Variants in ZFPM2 observed in about 807,000 individuals in gnomAD.
ZFPM2 encodes zinc finger protein, FOG family member 2, also known as zinc finger protein ZFPM2.
Under a neutral mutation model 98.6 loss-of-function variants are expected in ZFPM2, and 20 were observed. The observed-to-expected ratio is 0.20, with a 90% CI of 0.14 to 0.29. The LOEUF (loss-of-function observed/expected upper bound fraction) is 0.29, where lower values mean the gene tolerates loss of function less well. Ranked by LOEUF, ZFPM2 falls within the 10% of genes least tolerant of loss-of-function variation. The pLI is 1.00. For missense variants in ZFPM2, 1,310 were observed against 1,388.6 expected (o/e 0.94, Z 0.90); for synonymous variants, 518 against 502.7 (o/e 1.03, Z -0.41).
intron 3 of ZFPM2, among the ~76,000 whole-genome samples, chr8:105,546,786 A>G (rs528683498): frequency 8.5e-5 from 13 of 152,142 alleles, no homozygotes; most frequent in Non-Finnish European, 1.8e-4. Context: ...AGTGCTCAAG[A>G]TGGTTAGCAA....
At chr8:105,540,119 T>C (rs1486725892) in intron 3 of ZFPM2, among the ~76,000 whole-genome samples, 1 of 152,152 alleles carries the variant, frequency 6.6e-6, no homozygotes, top group Non-Finnish European at 1.5e-5. Context: ...CTCTCTGTGT[T>C]TTCATACCCC....
intron 1 of ZFPM2, among the ~76,000 whole-genome samples, chr8:105,390,950 A>G (rs1250247498): frequency 6.6e-6 from 1 of 152,202 alleles, no homozygotes; most frequent in Admixed American, 6.5e-5. Context: ...ACATGAATGC[A>G]GGGTAAAGGT....
In ZFPM2 at chr8:105,579,097, T is replaced by A. The variant is rs116515097; in HGVS notation, c.420+17616T>A. 3.4e-3 allele frequency among the ~76,000 whole-genome samples: 522 copies of A among 152,282 alleles called. 3 individuals carry two copies. Among genetic ancestry groups the A allele is most frequent in the African/African-American group, 0.012 (486 of 41,570 alleles). ...GAAAAAATTGTTTCTTTAATGACAA[T>A]GTAATTAAAGGTGCTACAATTTTTT... On this transcript the variant is annotated intron_variant, in intron 4 of 7. Coordinates refer to ENST00000407775, the MANE Select transcript of ZFPM2 (RefSeq NM_012082.4).
At chr8:105,324,147 T>A (rs1812075822) in intron 1 of ZFPM2, among the ~76,000 whole-genome samples, 1 of 151,864 alleles carries the variant, frequency 6.6e-6, no homozygotes, top group East Asian at 1.9e-4. Context: ...GATTTTTATG[T>A]TCAGCCAATT....
At chr8:105,528,370 A>G (rs188708044) in intron 3 of ZFPM2, among the ~76,000 whole-genome samples, 1 of 152,202 alleles carries the variant, frequency 6.6e-6, no homozygotes, top group African/African-American at 2.4e-5. Flanking sequence ...TGCCGTAAGG[A>G]AGTTGAATTT....
At chr8:105,463,092 G>C (rs1421412922) in intron 3 of ZFPM2, among the ~76,000 whole-genome samples, 1 of 151,938 alleles carries the variant, frequency 6.6e-6, no homozygotes, top group Admixed American at 6.6e-5. Flanking sequence ...GCAGAGACAA[G>C]AATAATATAA....
At chr8:105,607,765 T>C (rs765287344) in intron 4 of ZFPM2, among the ~76,000 whole-genome samples, 4 of 152,146 alleles carry the variant, frequency 2.6e-5, no homozygotes, top group Non-Finnish European at 4.4e-5. Flanking sequence ...TCCGCTACTT[T>C]AGATCCCAAA....
chr8:105,414,546 T>G (rs1039885470), intron 1 of ZFPM2, among the ~76,000 whole-genome samples: 3 of 152,046 alleles, frequency 2.0e-5, no homozygotes, highest in Non-Finnish European at 4.4e-5. Flanking sequence ...ATTGTTTTGC[T>G]TATTTTGCAT....
At chr8:105,571,539 ATTCT>A (rs1815354243) in intron 4 of ZFPM2, among the ~76,000 whole-genome samples, 1 of 152,198 alleles carries the variant, frequency 6.6e-6, no homozygotes, top group African/African-American at 2.4e-5. Flanking sequence ...TGCCTTTTAA[ATTCT>A]TTCTATTTGA....
At chr8:105,426,794 A>G (rs1811920912) in intron 2 of ZFPM2, among the ~76,000 whole-genome samples, 2 of 151,568 alleles carry the variant, frequency 1.3e-5, no homozygotes, top group South Asian at 4.2e-4. Flanking sequence ...AATACAAAAA[A>G]TACAAAAAAT....
chr8:105,408,171 C>T (rs1811499932), intron 1 of ZFPM2, among the ~76,000 whole-genome samples: 2 of 151,872 alleles, frequency 1.3e-5, no homozygotes, highest in South Asian at 4.2e-4. Context: ...TGTTATCACA[C>T]CCTACCCGCT....
At chr8:105,670,027 C>A (rs1250778808) in intron 5 of ZFPM2, 1 of 152,020 alleles carries the variant, frequency 6.6e-6, no homozygotes, top group Admixed American at 6.5e-5. Flanking sequence ...CAGCATGTCT[C>A]TAACAAAGGC....
At chr8:105,333,474 A>C (rs999448583) in intron 1 of ZFPM2, among the ~76,000 whole-genome samples, 2 of 151,780 alleles carry the variant, frequency 1.3e-5, no homozygotes, top group African/African-American at 4.8e-5. Flanking sequence ...AGAGGCAAAA[A>C]TGTTCACTAG....
chr8:105,405,752 G>T (rs958948355), intron 1 of ZFPM2, among the ~76,000 whole-genome samples: 1 of 152,066 alleles, frequency 6.6e-6, no homozygotes, highest in African/African-American at 2.4e-5. Flanking sequence ...GTGTGCATGT[G>T]TCTTTATAAC....
intron 3 of ZFPM2, among the ~76,000 whole-genome samples, chr8:105,459,889 C>G (rs1286320000): frequency 1.3e-5 from 2 of 152,038 alleles, no homozygotes; most frequent in African/African-American, 4.8e-5. Flanking sequence ...TGGCTGTAAC[C>G]AAAGTCTGCT....
intron 5 of ZFPM2, chr8:105,678,683 G>T (rs1810529561): frequency 6.6e-6 from 1 of 152,110 alleles, no homozygotes; most frequent in South Asian, 2.1e-4. Context: ...TTATCCTCCG[G>T]TTTTCTCTCT....
chr8:105,515,384 GCTT>G (rs1813897776), intron 3 of ZFPM2, among the ~76,000 whole-genome samples: 1 of 152,146 alleles, frequency 6.6e-6, no homozygotes, highest in African/African-American at 2.4e-5. Flanking sequence ...CAGGCACTGT[GCTT>G]CTTATTTGCA....
intron 5 of ZFPM2, among the ~76,000 whole-genome samples, chr8:105,674,975 T>G (rs978416865): frequency 7.9e-5 from 12 of 152,104 alleles, no homozygotes; most frequent in African/African-American, 2.9e-4. Flanking sequence ...ATTAGACGTT[T>G]GTATGTTCCT....
chr8:105,534,109 T>TTCCTCCCTC (rs1563704615), intron 3 of ZFPM2, among the ~76,000 whole-genome samples: 1 of 29,216 alleles, frequency 3.4e-5, no homozygotes, highest in East Asian at 9.0e-4. Flanking sequence ...CTTCCTCCCT[T>TTCCTCCCTC]CCTTCCTCCC....
Sources: gnomAD v4.1 joint callset for allele counts (sites outside exome capture counted in the v4.1 genomes callset) on GRCh38, gnomAD v4.1.1 for gene constraint, MANE v1.5 for transcripts, NCBI Gene and HGNC (gene_info 2026-07-23, HGNC 2026-07-21) for gene names.